Variants in AAMDC observed in about 807,000 individuals in gnomAD.
AAMDC encodes adipogenesis associated Mth938 domain containing.
A neutral mutation model predicts 15.5 loss-of-function variants in AAMDC; 16 were observed. The observed-to-expected ratio is 1.03, with a 90% confidence interval of 0.70 to 1.57. The LOEUF (loss-of-function observed/expected upper bound fraction) is 1.57. Among genes scored for constraint, AAMDC ranks in the 40% most tolerant of loss-of-function variants. The pLI, the probability that AAMDC is intolerant of heterozygous loss-of-function variation, is 0.00. For missense variants in AAMDC, 141 were observed against 144.9 expected (o/e 0.97, Z 0.14); for synonymous variants, 51 against 51.6 (o/e 0.99, Z 0.05).
downstream of AAMDC, among the ~76,000 whole-genome samples, chr11:77,874,317 G>A (rs1308306536): frequency 1.3e-5 from 2 of 151,046 alleles, no homozygotes; most frequent in African/African-American, 2.4e-5. Flanking sequence ...CCAGCCCTCT[G>A]TATAGCTAAG....
At chr11:77,880,664 C>G (rs1951757240) in intron 5 of AAMDC, among the ~76,000 whole-genome samples, 1 of 152,166 alleles carries the variant, frequency 6.6e-6, no homozygotes, top group Non-Finnish European at 1.5e-5. Flanking sequence ...TTTCAAGAAG[C>G]CAAATCCTGG....
chr11:77,870,390 G>A (rs1271248361), intron 3 of AAMDC, among the ~76,000 whole-genome samples: 1 of 136,746 alleles, frequency 7.3e-6, no homozygotes, highest in Non-Finnish European at 1.5e-5. Context: ...CAGGCTGAGT[G>A]CAGTGGCGCC....
Position 77,896,523 on chromosome 11 carries a change from A to G in AAMDC, c.329-4048A>G, listed in dbSNP as rs561594949. Among the ~76,000 whole-genome samples, 11 of 152,148 alleles carry G rather than the reference A, an allele frequency of 7.2e-5. No homozygotes were observed. In the South Asian group the frequency reaches 2.1e-3, roughly 29 times the overall value. Reference sequence around the variant, plus strand: ...CAAAATTAGCCGGGTACAGTGGCGCATGCCTGTAATCCCAGCTACTTGGGA... The same window carrying G: ...CAAAATTAGCCGGGTACAGTGGCGCGTGCCTGTAATCCCAGCTACTTGGGA... On this transcript the variant is annotated intron_variant, in intron 5 of 5. Coordinates refer to the AAMDC transcript ENST00000304716.
At chr11:77,869,042 CT>C in intron 2 of AAMDC, 1 of 340,392 alleles carries the variant, frequency 2.9e-6, no homozygotes. Context: ...TGGGACATTC[CT>C]TTTTGAACAG....
intron 2 of AAMDC, chr11:77,866,422 G>A (rs1384318040): frequency 6.6e-6 from 1 of 152,248 alleles, no homozygotes; most frequent in Admixed American, 6.5e-5. Context: ...GCTAGTGGCA[G>A]GTTGAGGATG....
chr11:77,821,744 C>A (rs953206585), intron 1 of AAMDC, among the ~76,000 whole-genome samples: 3 of 152,114 alleles, frequency 2.0e-5, no homozygotes, highest in African/African-American at 7.2e-5. Flanking sequence ...GGGCAGTGAA[C>A]ATTCCCACAA....
At chr11:77,825,461 T>C (rs919809137) in intron 1 of AAMDC, among the ~76,000 whole-genome samples, 2 of 152,156 alleles carry the variant, frequency 1.3e-5, no homozygotes, top group African/African-American at 4.8e-5. Context: ...TGAAGGTATA[T>C]GGACTTAATA....
intron 2 of AAMDC, among the ~76,000 whole-genome samples, chr11:77,857,804 C>T (rs992916486): frequency 6.6e-6 from 1 of 150,992 alleles, no homozygotes; most frequent in Non-Finnish European, 1.5e-5. Context: ...TCAAGTGATT[C>T]TCCTGCCTCA....
rs181227452 is a variant in AAMDC at position 77,859,681 on chromosome 11, A to G, written c.133-10041A>G. 2.0e-5 allele frequency among the ~76,000 whole-genome samples: 3 copies of G among 152,330 alleles called. No homozygotes were observed. In the East Asian group the frequency reaches 5.8e-4, roughly 29 times the overall value. ...CTTTTTCTACAAAGGAACTTCCATC[A>G]GTATACAAGTTGAGGTTGGGATCAG... On this transcript the variant is annotated intron_variant, in intron 2 of 3. Transcript: ENST00000393427.
At chr11:77,828,395 C>T (rs138487940) in intron 1 of AAMDC, among the ~76,000 whole-genome samples, 5 of 151,872 alleles carry the variant, frequency 3.3e-5, no homozygotes, top group South Asian at 2.1e-4. Context: ...TAGCCGGGTG[C>T]GGTGGCTCAC....
At chr11:77,898,971 G>A (rs1056657806) in intron 5 of AAMDC, among the ~76,000 whole-genome samples, 1 of 152,208 alleles carries the variant, frequency 6.6e-6, no homozygotes, top group African/African-American at 2.4e-5. Flanking sequence ...AGTGAGTTGA[G>A]ATCGTGCCAC....
intron 2 of AAMDC, among the ~76,000 whole-genome samples, chr11:77,849,036 TC>T (rs1175161018): frequency 1.1e-4 from 16 of 149,192 alleles, no homozygotes; most frequent in African/African-American, 3.7e-4. Flanking sequence ...AAAGTGGTGC[TC>T]CTTTTTTTTT....
At chr11:77,862,103 G>A (rs1331543862) in intron 2 of AAMDC, among the ~76,000 whole-genome samples, 1 of 152,088 alleles carries the variant, frequency 6.6e-6, no homozygotes, top group Non-Finnish European at 1.5e-5. Context: ...AGTCCTTCTA[G>A]CACGCAAGGT....
chr11:77,881,222 A>ATTACTTTCT (rs1352508199), intron 5 of AAMDC, among the ~76,000 whole-genome samples: 1 of 152,230 alleles, frequency 6.6e-6, no homozygotes, highest in Non-Finnish European at 1.5e-5. Context: ...TCTTAATGAG[A>ATTACTTTCT]CAGGGAAGTA....
At chr11:77,868,806 G>T in intron 2 of AAMDC, 2 of 225,016 alleles carry the variant, frequency 8.9e-6, no homozygotes. Context: ...TAGCAGGCTG[G>T]CGCTTAATTT....
downstream of AAMDC, among the ~76,000 whole-genome samples, chr11:77,902,056 C>T (rs970164358): frequency 2.0e-5 from 3 of 152,186 alleles, no homozygotes; most frequent in African/African-American, 7.2e-5. Flanking sequence ...GATCAAGTCC[C>T]CGATCTTGCT....
intron 2 of AAMDC, chr11:77,869,039 T>C: frequency 2.9e-6 from 1 of 343,064 alleles, no homozygotes; most frequent in Non-Finnish European, 5.5e-6. Flanking sequence ...TTGTGGGACA[T>C]TCCTTTTTGA....
chr11:77,847,694 A>G (rs1950200550), intron 2 of AAMDC, among the ~76,000 whole-genome samples: 1 of 152,250 alleles, frequency 6.6e-6, no homozygotes, highest in Non-Finnish European at 1.5e-5. Context: ...TAGAGCATCT[A>G]TATATGCAGA....
chr11:77,828,670 G>GAA (rs34504909), intron 1 of AAMDC, among the ~76,000 whole-genome samples: 2 of 83,914 alleles, frequency 2.4e-5, no homozygotes, highest in Non-Finnish European at 2.5e-5. Context: ...ACTCCATCTC[G>GAA]AAAAAAAAAA....
Sources: allele counts gnomAD v4.1 joint callset (sites outside exome capture counted in the v4.1 genomes callset), GRCh38; gene constraint gnomAD v4.1.1; transcripts MANE v1.5; gene names NCBI Gene and HGNC (gene_info 2026-07-23, HGNC 2026-07-21).